Variants in HSCB observed in about 807,000 individuals in gnomAD.
HSCB encodes the protein HscB mitochondrial iron-sulfur cluster cochaperone.
A neutral mutation model predicts 31.3 loss-of-function variants in HSCB; 23 were observed. The observed-to-expected ratio is 0.74, with a 90% confidence interval of 0.53 to 1.04. The LOEUF is 1.04. HSCB is among the 50% of genes least tolerant of loss of function. The probability of loss-of-function intolerance (pLI) is 0.00; values close to 1 mark genes in which losing one functional copy is unlikely to be tolerated. For synonymous variants in HSCB, 110 were observed against 104.5 expected (o/e 1.05, Z -0.32); for missense variants, 297 against 288.1 (o/e 1.03, Z -0.22).
chr22:28,742,538 G>A (rs568978552), intron 1 of HSCB: 7 of 880,970 alleles, frequency 7.9e-6, no homozygotes, highest in Non-Finnish European at 1.2e-5. Context: ...TTGAGGTGTG[G>A]AGAAGGGAGA....
chr22:28,742,242 C>A lies in HSCB; in HGVS notation c.147C>A (p.Gly49=), dbSNP rs1288409812. The A allele has an allele frequency of 6.2e-7, 1 of 1,614,008 alleles. No homozygotes were observed. Among genetic ancestry groups the A allele is most frequent in the South Asian group, 1.1e-5 (1 of 91,074 alleles). The change falls in exon 1 of 6, where the codon GGC becomes GGA. Residue 49 remains glycine, a synonymous_variant. Coordinates refer to ENST00000216027, the MANE Select transcript of HSCB (RefSeq NM_172002.5). The part of the protein sequence containing the change: ...PRCWNCGGPW[G]PGREDRFFCP... ...GTTGGAACTGCGGCGGCCCATGGGG[C>A]CCCGGGCGGGAGGACAGGTTCTTCT...
intron 5 of HSCB, among the ~76,000 whole-genome samples, chr22:28,753,779 A>G (rs2030418611): frequency 6.6e-6 from 1 of 151,622 alleles, no homozygotes; most frequent in African/African-American, 2.4e-5. Flanking sequence ...TGGAGCTTGC[A>G]GTGAGTGGAG....
chr22:28,746,774 C>T (rs138855675), intron 4 of HSCB, among the ~76,000 whole-genome samples: 2,180 of 152,132 alleles, frequency 0.014, 22 homozygotes, highest in Non-Finnish European at 0.023. Flanking sequence ...TGGTGCATGC[C>T]TGTAATCCCA....
At position 28,757,137 on chromosome 22, in the gene HSCB, G is replaced by A. The variant is rs763042327; in HGVS notation, c.676G>A (p.Glu226Lys). Residue 226 changes from glutamate (E) to lysine (K), a missense_variant, in exon 6 of 6, where the codon GAA (glutamate) becomes AAA (lysine). Glu to Lys is a moderately conservative substitution (Grantham distance 56, BLOSUM62 1). Coordinates refer to ENST00000216027, the MANE Select transcript of HSCB (RefSeq NM_172002.5). Reference sequence around the variant, plus strand: ...GATGAGATACTTTTCAAATATAGAAGAAAAGATCAAGTTAAAGAAGATTCC... The same window carrying A: ...GATGAGATACTTTTCAAATATAGAAAAAAAGATCAAGTTAAAGAAGATTCC... ...TKMRYFSNIE[E>K]KIKLKKIPL 1 of 1,565,964 alleles carries A rather than the reference G, an allele frequency of 6.4e-7. No individual in the cohort carries two copies. Among genetic ancestry groups the A allele is most frequent in the Non-Finnish European group, 8.8e-7 (1 of 1,136,964 alleles).
At chr22:28,756,947 C>T (rs2030638505) in intron 5 of HSCB, 131 bp from the exon 6 acceptor site, 1 of 701,186 alleles carries the variant, frequency 1.4e-6, no homozygotes, top group Admixed American at 2.3e-5. Context: ...CTTCGTTGCT[C>T]AGTCTTACTG....
intron 5 of HSCB, among the ~76,000 whole-genome samples, chr22:28,756,640 T>TTATTTTA (rs1216666548): frequency 6.6e-6 from 1 of 151,780 alleles, no homozygotes; most frequent in African/African-American, 2.4e-5. Context: ...GGCTAATTTT[T>TTATTTTA]TATTTTATTT....
At chr22:28,742,482 G>A (rs190969493) in intron 1 of HSCB, 151 bp downstream of exon 1, 1 of 1,325,162 alleles carries the variant, frequency 7.5e-7, no homozygotes, top group South Asian at 1.5e-5. Flanking sequence ...GAAGTGTCTT[G>A]ATTTCTCAGG....
chr22:28,742,061 C>A lies in HSCB; in HGVS notation c.-35C>A. The A allele has an allele frequency of 1.3e-6, 2 of 1,578,310 alleles. No individual in the cohort carries two copies. Among genetic ancestry groups the A allele is most frequent in the East Asian group, 4.6e-5 (2 of 43,372 alleles). ...GTTAGACGCTCTCTTTGCTTTTCCCCACGAGTGACCACGGCTAGATAGGCC... is the reference window on the plus strand; with the variant it reads ...GTTAGACGCTCTCTTTGCTTTTCCCAACGAGTGACCACGGCTAGATAGGCC... On this transcript the variant is annotated 5_prime_UTR_variant, in exon 1 of 6. Transcript: ENST00000216027.
At position 28,743,842 on chromosome 22, in the gene HSCB, A is replaced by G. The variant is rs1369165705; in HGVS notation, c.237-40A>G. ...AGGCTCATGGTAGATAAACCTTTAA[A>G]TATTTGTTGTATAAATTTAATCTCC... On this transcript the variant is annotated intron_variant, in intron 1 of 5. Transcript: ENST00000216027. The G allele has an allele frequency of 4.0e-6, 6 of 1,516,666 alleles. No individual in the cohort carries two copies. The Admixed American group carries it at 1.0e-4, about 25-fold the overall frequency. The allele number at this position is 1,516,666 out of a possible 1,614,324, so 94.0% of individuals were successfully genotyped here.
intron 1 of HSCB, 132 bp from the exon 2 acceptor site, chr22:28,743,750 A>T (rs1433043576): frequency 2.8e-6 from 2 of 706,504 alleles, no homozygotes; most frequent in Non-Finnish European, 5.0e-6. Flanking sequence ...GTCCCTTCAT[A>T]GGACTTACCA....
At chr22:28,747,500 C>T (rs2029916967) in intron 4 of HSCB, among the ~76,000 whole-genome samples, 2 of 152,056 alleles carry the variant, frequency 1.3e-5, no homozygotes, top group Non-Finnish European at 2.9e-5. Context: ...TGGGGTTTCA[C>T]CATGTTGCCC....
At chr22:28,747,432 C>G (rs2029913295) in intron 4 of HSCB, among the ~76,000 whole-genome samples, 1 of 152,142 alleles carries the variant, frequency 6.6e-6, no homozygotes, top group South Asian at 2.1e-4. Context: ...TCTTGGATAG[C>G]TGGGACTACA....
At chr22:28,753,110 T>C (rs1244186186) in intron 5 of HSCB, among the ~76,000 whole-genome samples, 2 of 151,946 alleles carry the variant, frequency 1.3e-5, no homozygotes, top group Non-Finnish European at 2.9e-5. Flanking sequence ...TGGAGGAAAT[T>C]TATATAGGTC....
intron 4 of HSCB, among the ~76,000 whole-genome samples, chr22:28,750,913 GT>G (rs1296512930): frequency 8.3e-6 from 1 of 119,762 alleles, no homozygotes; most frequent in Middle Eastern, 5.9e-3. Flanking sequence ...GACCCAAACT[GT>G]TTCGTGGAGA....
rs1260053177 is a variant in HSCB at position 28,742,205 on chromosome 22, A to G, written c.110A>G (p.Asn37Ser). ...SCDAASQAGS[N>S]YPRCWNCGGP... Reference sequence around the variant, plus strand: ...GATGCTGCGTCGCAGGCGGGAAGCAATTATCCCCGCTGTTGGAACTGCGGC... The same window carrying G: ...GATGCTGCGTCGCAGGCGGGAAGCAGTTATCCCCGCTGTTGGAACTGCGGC... The change falls in exon 1 of 6, where the codon AAT (asparagine) becomes AGT (serine). Residue 37 changes from asparagine to serine, a missense_variant. Asn to Ser is a conservative substitution (Grantham distance 46). Transcript: ENST00000216027. 8 of 1,613,798 alleles carry G rather than the reference A, an allele frequency of 5.0e-6. No homozygotes were observed. The highest frequency in any genetic ancestry group is 2.2e-5 in the East Asian group (1 of 44,874).
At chr22:28,748,506 T>TTA (rs1167746061) in intron 4 of HSCB, among the ~76,000 whole-genome samples, 1 of 151,898 alleles carries the variant, frequency 6.6e-6, no homozygotes, top group Admixed American at 6.6e-5. Flanking sequence ...CCAAGCGTTT[T>TTA]TTTTTGTTGT....
intron 4 of HSCB, 94 bp downstream of exon 4, chr22:28,746,102 C>A: frequency 1.6e-6 from 2 of 1,264,206 alleles, no homozygotes; most frequent in South Asian, 1.5e-5. Flanking sequence ...TATAATGGCC[C>A]GGGTGCAGTG....
At position 28,742,235 on chromosome 22, in the gene HSCB, C is replaced by G. The variant is rs755201974; in HGVS notation, c.140C>G (p.Pro47Arg). The G allele has an allele frequency of 6.2e-7, 1 of 1,614,020 alleles. No individual in the cohort carries two copies. The highest frequency in any genetic ancestry group is 1.3e-5 in the African/African-American group (1 of 75,054). ...NYPRCWNCGG[P>R]WGPGREDRFF... ...CCCCGCTGTTGGAACTGCGGCGGCC[C>G]ATGGGGCCCCGGGCGGGAGGACAGG... is the stretch of plus-strand genomic sequence containing the variant. The change falls in exon 1 of 6, where the codon CCA becomes CGA. Residue 47 changes from proline to arginine, a missense_variant. Pro to Arg is a moderately radical substitution (Grantham distance 103). Transcript: ENST00000216027.
chr22:28,745,863 G>C lies in HSCB; in HGVS notation c.424-1G>C. The C allele has an allele frequency of 6.2e-7, 1 of 1,605,122 alleles. No homozygotes were observed. Among genetic ancestry groups the C allele is most frequent in the Non-Finnish European group, 8.5e-7 (1 of 1,177,098 alleles). On this transcript the variant is annotated splice_acceptor_variant, in intron 3 of 5. Coordinates refer to ENST00000216027, the MANE Select transcript of HSCB (RefSeq NM_172002.5). LOFTEE classifies it high-confidence loss of function. ...ATTTTTCTTGCTTTCTACCCCAATAGCTAAAGCTCCATGGAATAGAGATTC... is the reference window on the plus strand; with the variant it reads ...ATTTTTCTTGCTTTCTACCCCAATACCTAAAGCTCCATGGAATAGAGATTC...
Sources: allele counts gnomAD v4.1 joint callset (sites outside exome capture counted in the v4.1 genomes callset), GRCh38; gene constraint gnomAD v4.1.1; transcripts MANE v1.5; gene names NCBI Gene and HGNC (gene_info 2026-07-23, HGNC 2026-07-21).